The following DIAPH3 variants were observed in gnomAD, a reference collection of about 807,000 sequenced individuals.
DIAPH3 encodes diaphanous related formin 3, also known as protein diaphanous homolog 3.
In DIAPH3, 117 loss-of-function variants were observed where a neutral mutation model predicts 144.3. The observed-to-expected ratio is 0.81, with a 90% CI of 0.70 to 0.95. The LOEUF (loss-of-function observed/expected upper bound fraction) is 0.95. DIAPH3 is among the 40% of genes least tolerant of loss of function. DIAPH3 has a pLI of 0.00. For synonymous variants in DIAPH3, 519 were observed against 488.9 expected, an observed-to-expected ratio of 1.06 and a Z score of -0.81; for missense variants, 1,421 against 1,412.7, an observed-to-expected ratio of 1.01 and a Z score of -0.09.
chr13:60,016,019 A>C (rs374063629), intron 6 of DIAPH3, 37 bp from the exon 7 acceptor site: 4 of 1,610,262 alleles, frequency 2.5e-6, no homozygotes, highest in Non-Finnish European at 3.4e-6. Flanking sequence ...TTGGAATTAT[A>C]ATTGGACATA....
intron 27 of DIAPH3, among the ~76,000 whole-genome samples, chr13:59,768,415 C>T (rs1279683397): frequency 6.6e-6 from 1 of 152,098 alleles, no homozygotes; most frequent in African/African-American, 2.4e-5. Context: ...TTTACTACTT[C>T]AATAGAGTTG....
chr13:60,014,758 T>G (rs1045718303), intron 7 of DIAPH3, among the ~76,000 whole-genome samples: 2 of 151,726 alleles, frequency 1.3e-5, no homozygotes, highest in South Asian at 2.1e-4. Flanking sequence ...AGGTAAAATT[T>G]CCCCCCCTGC....
chr13:59,784,861 A>G (rs565502851), intron 25 of DIAPH3, among the ~76,000 whole-genome samples: 1 of 152,190 alleles, frequency 6.6e-6, no homozygotes, highest in East Asian at 1.9e-4. Flanking sequence ...GCACACACAC[A>G]CACACACACA....
intron 11 of DIAPH3, 52 bp from the exon 12 acceptor site, chr13:59,991,326 TATA>T: frequency 1.6e-6 from 2 of 1,220,908 alleles, no homozygotes; most frequent in Non-Finnish European, 2.4e-6. Context: ...ACCAAACAAC[TATA>T]ATAATATGAC....
At chr13:60,019,485 A>T (rs2053862824) in intron 5 of DIAPH3, among the ~76,000 whole-genome samples, 1 of 152,160 alleles carries the variant, frequency 6.6e-6, no homozygotes. Context: ...GTAACAGGAA[A>T]TATTAAACTC....
At chr13:60,111,711 G>A (rs1157295777) in intron 3 of DIAPH3, among the ~76,000 whole-genome samples, 1 of 152,130 alleles carries the variant, frequency 6.6e-6, no homozygotes, top group Non-Finnish European at 1.5e-5. Context: ...TCAGTCCCTG[G>A]TGCCAAAAAG....
At chr13:59,923,833 G>A (rs1232699882) in intron 18 of DIAPH3, among the ~76,000 whole-genome samples, 3 of 152,214 alleles carry the variant, frequency 2.0e-5, no homozygotes, top group Non-Finnish European at 2.9e-5. Flanking sequence ...TTAGATCAAA[G>A]TGATTACGAA....
chr13:59,817,893 A>G (rs2040861228), intron 24 of DIAPH3, among the ~76,000 whole-genome samples: 1 of 151,994 alleles, frequency 6.6e-6, no homozygotes, highest in Non-Finnish European at 1.5e-5. Flanking sequence ...AAGAAAACCC[A>G]AATTCTAAAT....
intron 5 of DIAPH3, among the ~76,000 whole-genome samples, chr13:60,020,077 T>G (rs1428143652): frequency 2.0e-5 from 3 of 152,166 alleles, no homozygotes; most frequent in Non-Finnish European, 4.4e-5. Flanking sequence ...GCATACTCCT[T>G]GAGTATAGGG....
At chr13:60,133,799 TCTC>T (rs1366099012) in intron 1 of DIAPH3, among the ~76,000 whole-genome samples, 6 of 152,090 alleles carry the variant, frequency 3.9e-5, no homozygotes, top group Non-Finnish European at 7.4e-5. Flanking sequence ...AATTACCAAT[TCTC>T]CTTTCTCTTA....
intron 27 of DIAPH3, among the ~76,000 whole-genome samples, chr13:59,711,424 C>T (rs1455032402): frequency 2.0e-5 from 3 of 152,090 alleles, no homozygotes; most frequent in Non-Finnish European, 4.4e-5. Context: ...ACCATTCTCA[C>T]TGACTCAATG....
chr13:59,835,063 G>A (rs1244092915), intron 23 of DIAPH3, among the ~76,000 whole-genome samples: 1 of 151,680 alleles, frequency 6.6e-6, no homozygotes, highest in African/African-American at 2.4e-5. Context: ...TTATTTTTAG[G>A]TCATACTGCC....
At chr13:59,863,994 G>A (rs1464731773) in intron 21 of DIAPH3, among the ~76,000 whole-genome samples, 4 of 152,074 alleles carry the variant, frequency 2.6e-5, no homozygotes, top group Non-Finnish European at 4.4e-5. Flanking sequence ...CTCTAAAAAT[G>A]TTAAGTATAC....
At chr13:59,936,982 T>C (rs11618043) in intron 17 of DIAPH3, among the ~76,000 whole-genome samples, 4 of 151,932 alleles carry the variant, frequency 2.6e-5, no homozygotes, top group Non-Finnish European at 5.9e-5. Flanking sequence ...GCTAACATGG[T>C]GAAACCCCAT....
chr13:60,160,150 A>G (rs1815554), intron 1 of DIAPH3, among the ~76,000 whole-genome samples: 102,095 of 151,998 alleles, frequency 0.67, 34,701 homozygotes, highest in Admixed American at 0.76. Flanking sequence ...CATGAACCCG[A>G]GAGGCGGAGC....
intron 20 of DIAPH3, among the ~76,000 whole-genome samples, chr13:59,880,240 A>G (rs2044925696): frequency 6.6e-6 from 1 of 152,194 alleles, no homozygotes; most frequent in Admixed American, 6.6e-5. Context: ...ACACACATGC[A>G]GGAAATAATC....
intron 27 of DIAPH3, among the ~76,000 whole-genome samples, chr13:59,704,570 TG>T (rs1349388277): frequency 6.6e-6 from 1 of 152,220 alleles, no homozygotes; most frequent in Non-Finnish European, 1.5e-5. Flanking sequence ...AATGAAGGAT[TG>T]CATGTATGAT....
chr13:59,729,752 A>G (rs1391169524), intron 27 of DIAPH3, among the ~76,000 whole-genome samples: 3 of 151,258 alleles, frequency 2.0e-5, no homozygotes, highest in Non-Finnish European at 4.4e-5. Flanking sequence ...ATTGGGGGAA[A>G]ACTGGGTCCA....
At chr13:59,697,459 CAAAAAAAAAAAAAAAA>C (rs58372882) in intron 27 of DIAPH3, among the ~76,000 whole-genome samples, 8 of 31,188 alleles carry the variant, frequency 2.6e-4, no homozygotes, top group South Asian at 3.6e-3. Flanking sequence ...GACACTGTCT[CAAAAAAAAAAAAAAAA>C]AAAAAAAAAA....
Sources: allele counts gnomAD v4.1 joint callset (sites outside exome capture counted in the v4.1 genomes callset), GRCh38; gene constraint gnomAD v4.1.1; transcripts MANE v1.5; gene names NCBI Gene and HGNC (gene_info 2026-07-23, HGNC 2026-07-21).